Variants in POU6F2 observed in about 807,000 individuals in gnomAD.
POU6F2 encodes POU class 6 homeobox 2.
In POU6F2, 31 loss-of-function variants were observed where a neutral mutation model predicts 71.3. The observed-to-expected ratio is 0.43, with a 90% CI of 0.33 to 0.59. The LOEUF is 0.59. Among genes scored for constraint, POU6F2 ranks in the 20% least tolerant of loss-of-function variants. The probability of loss-of-function intolerance (pLI) is 0.04; values close to 1 mark genes in which losing one functional copy is unlikely to be tolerated. For missense variants in POU6F2, 783 were observed against 856.8 expected (o/e 0.91, Z 1.07); for synonymous variants, 347 against 355.7 (o/e 0.98, Z 0.27).
chr7:39,272,094 A>T (rs907207759), intron 4 of POU6F2, among the ~76,000 whole-genome samples: 3 of 152,186 alleles, frequency 2.0e-5, no homozygotes, highest in African/African-American at 7.2e-5. Context: ...AAATATTATG[A>T]TTGCTACAGA....
At chr7:39,454,033 CTACAGA>C (rs1329660819) in intron 8 of POU6F2, among the ~76,000 whole-genome samples, 1 of 152,164 alleles carries the variant, frequency 6.6e-6, no homozygotes, top group Non-Finnish European at 1.5e-5. Flanking sequence ...TCAAAAGCAA[CTACAGA>C]ATGAATAGTA....
intron 1 of POU6F2, among the ~76,000 whole-genome samples, chr7:39,058,735 GTTTA>G (rs957902601): frequency 6.6e-5 from 10 of 152,152 alleles, no homozygotes; most frequent in African/African-American, 1.9e-4. Context: ...ACGTAAATGG[GTTTA>G]TTTATTTATC....
At chr7:39,005,897 A>C (rs1203935174) in intron 1 of POU6F2, among the ~76,000 whole-genome samples, 1 of 152,208 alleles carries the variant, frequency 6.6e-6, no homozygotes, top group Middle Eastern at 3.2e-3. Context: ...AATGGACATT[A>C]TGAAAGGGAG....
At chr7:39,421,329 A>G (rs565713039) in intron 6 of POU6F2, among the ~76,000 whole-genome samples, 1 of 152,340 alleles carries the variant, frequency 6.6e-6, no homozygotes, top group Admixed American at 6.5e-5. Flanking sequence ...TAAATATTGC[A>G]TGCAAGTATC....
intron 4 of POU6F2, among the ~76,000 whole-genome samples, chr7:39,248,514 G>A (rs917347177): frequency 5.9e-5 from 9 of 152,078 alleles, no homozygotes; most frequent in African/African-American, 1.4e-4. Flanking sequence ...TACAGCGGGC[G>A]CCCAGAGATC....
intron 4 of POU6F2, among the ~76,000 whole-genome samples, chr7:39,316,873 A>C (rs571548265): frequency 2.6e-5 from 4 of 152,322 alleles, no homozygotes; most frequent in African/African-American, 9.6e-5. Flanking sequence ...AAAGAGAAAT[A>C]AACTCATGTG....
intron 4 of POU6F2, among the ~76,000 whole-genome samples, chr7:39,242,552 G>A (rs116002108): frequency 0.013 from 2,033 of 151,844 alleles, 48 homozygotes; most frequent in African/African-American, 0.046. Flanking sequence ...TTTTGGGGGG[G>A]GTCATGATAT....
Position 39,464,388 on chromosome 7 carries a change from T to C in POU6F2, c.1865T>C (p.Met622Thr). ...AEAEARHRAGMQNLTEFIGSE... is the reference protein window; with the variant it reads ...AEAEARHRAGTQNLTEFIGSE... ...GCTGAGGCCCGCCATCGAGCAGGTA[T>C]GCAGAACCTGACCGAGTTTATCGGG... The change falls in exon 10 of 10, where the codon ATG (methionine) becomes ACG (threonine). Residue 622 changes from methionine to threonine, a missense_variant. Coordinates refer to ENST00000518318, the MANE Select transcript of POU6F2 (RefSeq NM_001370959.1). The surrounding 1 kb of genome is among the most constrained non-coding windows in gnomAD (Gnocchi z 4.1). 3 of 1,613,998 alleles carry C rather than the reference T, an allele frequency of 1.9e-6. No homozygotes were observed. Among genetic ancestry groups the C allele is most frequent in the Non-Finnish European group, 1.7e-6 (2 of 1,179,892 alleles).
At chr7:39,133,105 A>G (rs1792323211) in intron 2 of POU6F2, among the ~76,000 whole-genome samples, 1 of 152,220 alleles carries the variant, frequency 6.6e-6, no homozygotes, top group South Asian at 2.1e-4. Context: ...GGACCTGCCT[A>G]TCAAATATAA....
intron 1 of POU6F2, among the ~76,000 whole-genome samples, chr7:39,039,347 G>A (rs764041775): frequency 1.3e-5 from 2 of 151,828 alleles, no homozygotes; most frequent in Non-Finnish European, 2.9e-5. Flanking sequence ...GGTAAAAAGG[G>A]CTTATTAGTC....
At chr7:39,073,573 A>C (rs1026672423) in intron 1 of POU6F2, among the ~76,000 whole-genome samples, 3 of 152,294 alleles carry the variant, frequency 2.0e-5, no homozygotes, top group Admixed American at 6.5e-5. Context: ...AGGACAGTCA[A>C]GGGTCACCCT....
intron 1 of POU6F2, among the ~76,000 whole-genome samples, chr7:39,075,448 G>C (rs1790980451): frequency 6.6e-6 from 1 of 152,182 alleles, no homozygotes; most frequent in African/African-American, 2.4e-5. Flanking sequence ...AAACCATAAA[G>C]AGCTGGATGG....
Position 39,248,136 on chromosome 7 carries a change from A to G in POU6F2, c.598+40516A>G, listed in dbSNP as rs974680813. ...AGAAAGAAAGCACAGTGGCATTACT[A>G]CTCTGGGAGAAGTGGACATATTGAC... On this transcript the variant is annotated intron_variant, in intron 4 of 9. Transcript: ENST00000518318. Among the ~76,000 whole-genome samples the G allele has an allele frequency of 6.7e-4, 102 of 152,092 alleles. 2 individuals are homozygous for G. Among genetic ancestry groups the G allele is most frequent in the Admixed American group, 6.7e-3 (102 of 15,268 alleles).
chr7:39,377,918 G>A (rs1194309164), intron 5 of POU6F2, among the ~76,000 whole-genome samples: 1 of 152,186 alleles, frequency 6.6e-6, no homozygotes, highest in East Asian at 1.9e-4. Flanking sequence ...AGCTGGTTCA[G>A]GAGAGGAACT....
chr7:39,448,425 A>C (rs191714083), intron 7 of POU6F2, among the ~76,000 whole-genome samples: 5 of 152,202 alleles, frequency 3.3e-5, no homozygotes, highest in Non-Finnish European at 7.3e-5. Flanking sequence ...TGTTTGGTTG[A>C]ACTCTAGAGG....
At chr7:39,351,808 G>A (rs1310039018) in intron 5 of POU6F2, among the ~76,000 whole-genome samples, 2 of 152,188 alleles carry the variant, frequency 1.3e-5, no homozygotes, top group East Asian at 3.8e-4. Context: ...ACATGAGGAC[G>A]TTAGGTGTGA....
At chr7:39,397,814 G>GTGTATA (rs1554349981) in intron 5 of POU6F2, among the ~76,000 whole-genome samples, 1 of 128,448 alleles carries the variant, frequency 7.8e-6, no homozygotes, top group African/African-American at 3.3e-5. Context: ...TATATTTTGT[G>GTGTATA]TATATATATA....
chr7:39,016,323 G>C (rs1489899583), intron 1 of POU6F2, among the ~76,000 whole-genome samples: 4 of 150,466 alleles, frequency 2.7e-5, no homozygotes, highest in Non-Finnish European at 5.9e-5. Context: ...TAGGGTTCTA[G>C]TAATTTGGGA....
intron 7 of POU6F2, among the ~76,000 whole-genome samples, chr7:39,436,750 G>A (rs1788254560): frequency 6.6e-6 from 1 of 152,100 alleles, no homozygotes; most frequent in Admixed American, 6.6e-5. Context: ...TATTATATTG[G>A]CTGTGGGTTT....
Sources: allele counts gnomAD v4.1 joint callset (sites outside exome capture counted in the v4.1 genomes callset), GRCh38; gene constraint gnomAD v4.1.1; non-coding constraint Gnocchi (gnomAD v3.1); transcripts MANE v1.5; gene names NCBI Gene and HGNC (gene_info 2026-07-23, HGNC 2026-07-21).